The following IL3RA variants were observed in gnomAD, a reference collection of about 807,000 sequenced individuals.
The protein encoded by IL3RA is interleukin-3 receptor subunit alpha.
A neutral mutation model predicts 52.3 loss-of-function variants in IL3RA; 73 were observed. That is an observed-to-expected ratio of 1.40 (90% CI 1.16 to 1.70). The LOEUF (loss-of-function observed/expected upper bound fraction) is 1.70. IL3RA is among the 40% of genes most tolerant of loss of function. The probability of loss-of-function intolerance (pLI) is 0.00; values close to 1 mark genes in which losing one functional copy is unlikely to be tolerated. For missense variants in IL3RA, 664 were observed against 504.4 expected, an observed-to-expected ratio of 1.32 and a Z score of -3.03; for synonymous variants, 260 against 194.0, an observed-to-expected ratio of 1.34 and a Z score of -2.83.
Position 1,382,512 on chromosome X carries a change from G to C in IL3RA, c.*47G>C, listed in dbSNP as rs747212018. 1.3e-6 allele frequency: 2 copies of C among 1,563,538 alleles called. No individual in the cohort carries two copies. The highest frequency in any genetic ancestry group is 1.4e-5 in the African/African-American group (1 of 73,920). On this transcript the variant is annotated 3_prime_UTR_variant, in exon 12 of 12. Coordinates refer to ENST00000331035, the MANE Select transcript of IL3RA (RefSeq NM_002183.4). The stretch of plus-strand genomic sequence containing the variant: ...GGGGTCTGCCTCAATCTCCCTGGCC[G>C]GGCCAGGCGCCTGCACAGACTGGCT...
chrX:1,341,665 T>C, intron 1 of IL3RA, 63 bp from the exon 2 acceptor site: 1 of 1,367,764 alleles, frequency 7.3e-7, no homozygotes, highest in Non-Finnish European at 1.0e-6. Flanking sequence ...GCAAGCATCC[T>C]TCATTACCCG....
At chrX:1,373,858 T>C (rs2088617471) in intron 9 of IL3RA, among the ~76,000 whole-genome samples, 2 of 73,736 alleles carry the variant, frequency 2.7e-5, no homozygotes, top group Non-Finnish European at 2.3e-5. Context: ...GAAGACGGCA[T>C]CTCCAAGCCC....
At chrX:1,342,645 C>A (rs1488034736) in intron 2 of IL3RA, among the ~76,000 whole-genome samples, 2 of 148,784 alleles carry the variant, frequency 1.3e-5, no homozygotes, top group African/African-American at 5.0e-5. Flanking sequence ...ACTGCAACCT[C>A]TACCTGCTGG....
intron 2 of IL3RA, among the ~76,000 whole-genome samples, chrX:1,344,754 CA>C (rs1205130688): frequency 4.6e-5 from 7 of 151,214 alleles, no homozygotes; most frequent in Non-Finnish European, 8.8e-5. Context: ...GCCTGGGTGA[CA>C]AGAGCAAAAC....
intron 2 of IL3RA, 144 bp downstream of exon 2, chrX:1,341,973 A>T: frequency 2.3e-6 from 2 of 864,646 alleles, no homozygotes; most frequent in South Asian, 3.0e-5. Context: ...AATGACTCAG[A>T]CACTTCCCTG....
intron 6 of IL3RA, 41 bp from the exon 7 acceptor site, chrX:1,356,180 C>G: frequency 8.3e-7 from 1 of 1,200,634 alleles, no homozygotes; most frequent in Non-Finnish European, 1.2e-6. Context: ...GAATTGATTT[C>G]TTGTACTCCT....
At chrX:1,354,198 C>T (rs17886015) in intron 6 of IL3RA, among the ~76,000 whole-genome samples, 1,969 of 152,178 alleles carry the variant, frequency 0.013, 41 homozygotes, top group African/African-American at 0.046. Context: ...GGGGGTCCAC[C>T]CTCATAACTT....
intron 4 of IL3RA, 100 bp downstream of exon 4, chrX:1,348,645 T>TCTTC (rs2085896196): frequency 3.6e-6 from 1 of 278,668 alleles, no homozygotes; most frequent in Non-Finnish European, 6.0e-6. Flanking sequence ...TTTCTTTTTC[T>TCTTC]CTTTCTTTCT....
In IL3RA at chrX:1,356,928, A is replaced by G. The variant is rs767200650; in HGVS notation, c.732+592A>G. ...CAAGCTTCCCAGATATTTTTGATCC[A>G]CAGTTCGTTGGATCAGTTGAACATA... On this transcript the variant is annotated intron_variant, in intron 7 of 11. Transcript: ENST00000331035. Among the ~76,000 whole-genome samples, 179 of 152,170 alleles carry G rather than the reference A, an allele frequency of 1.2e-3. 1 individual carries two copies. The highest frequency in any genetic ancestry group is 4.1e-3 in the African/African-American group (169 of 41,524).
chrX:1,380,537 AGGGGAGGAGGAGGAGGGGGAGGAGAG>A (rs2089116035), intron 10 of IL3RA, among the ~76,000 whole-genome samples: 1 of 13,618 alleles, frequency 7.3e-5, no homozygotes, highest in African/African-American at 3.6e-4. Flanking sequence ...AGGAGGGGGA[AGGGGAGGAGGAGGAGGGGGAGGAGAG>A]GCGAGGGGGA....
chrX:1,379,123 G>A (rs747841797), intron 10 of IL3RA, among the ~76,000 whole-genome samples: 18 of 151,866 alleles, frequency 1.2e-4, no homozygotes, highest in Non-Finnish European at 2.2e-4. Flanking sequence ...GATTACAGGC[G>A]TAAGCCACCT....
chrX:1,368,778 G>T (rs28881330), intron 9 of IL3RA, among the ~76,000 whole-genome samples: 48,704 of 125,034 alleles, frequency 0.39, 5,333 homozygotes, highest in African/African-American at 0.58. Context: ...GCCCACACCT[G>T]GATCTCAGAC....
chrX:1,345,263 C>T, intron 2 of IL3RA, 53 bp from the exon 3 acceptor site: 1 of 1,222,570 alleles, frequency 8.2e-7, no homozygotes, highest in Admixed American at 2.0e-5. Flanking sequence ...CCTTACAATG[C>T]CGTTTTAAGA....
At chrX:1,357,308 T>A (rs1221991878) in intron 7 of IL3RA, among the ~76,000 whole-genome samples, 1 of 151,462 alleles carries the variant, frequency 6.6e-6, no homozygotes, top group African/African-American at 2.4e-5. Context: ...ATTTATTTAT[T>A]TATTTTTGAG....
intron 8 of IL3RA, among the ~76,000 whole-genome samples, chrX:1,359,346 C>A (rs1182077002): frequency 6.6e-6 from 1 of 152,132 alleles, no homozygotes; most frequent in East Asian, 1.9e-4. Context: ...GACCCTCCCC[C>A]AGCCCCTGCC....
In IL3RA at chrX:1,348,521, A is replaced by G. The variant is rs773296209; in HGVS notation, c.274A>G (p.Thr92Ala). The change falls in exon 4 of 12, where the codon ACG becomes GCG. Residue 92 changes from threonine (T) to alanine (A), a missense_variant. Coordinates refer to ENST00000331035, the MANE Select transcript of IL3RA (RefSeq NM_002183.4). ...TVRVANPPFS[T>A]WILFPENSGK... ...CCGAGTGGCCAACCCACCATTCTCCACGTGGATCCTCTTCCCTGAGAACAG... is the reference window on the plus strand; with the variant it reads ...CCGAGTGGCCAACCCACCATTCTCCGCGTGGATCCTCTTCCCTGAGAACAG... 5.9e-5 allele frequency: 96 copies of G among 1,613,458 alleles called. No homozygotes were observed. In the Admixed American group the frequency reaches 6.8e-4, roughly 11 times the overall value.
intron 4 of IL3RA, 147 bp downstream of exon 4, chrX:1,348,692 T>TTTC (rs2085921218): frequency 2.9e-5 from 8 of 280,478 alleles, no homozygotes; most frequent in South Asian, 5.5e-5. Flanking sequence ...CTTTCTTTCT[T>TTTC]TTTCTTTCTT....
At chrX:1,358,781 G>T in intron 7 of IL3RA, 80 bp from the exon 8 acceptor site, 1 of 1,526,068 alleles carries the variant, frequency 6.6e-7, no homozygotes. Flanking sequence ...TTTTCCTGGA[G>T]GGAGAAATTT....
intron 10 of IL3RA, among the ~76,000 whole-genome samples, chrX:1,380,455 AGGGGGGAAGG>A (rs2149226304): frequency 5.0e-4 from 1 of 2,008 alleles, no homozygotes; most frequent in East Asian, 9.3e-3. Flanking sequence ...AGGGGGGAGG[AGGGGGGAAGG>A]GAGGAGGGGG....
Sources: gnomAD v4.1 joint callset for allele counts (sites outside exome capture counted in the v4.1 genomes callset) on GRCh38, gnomAD v4.1.1 for gene constraint, MANE v1.5 for transcripts, NCBI Gene and HGNC (gene_info 2026-07-23, HGNC 2026-07-21) for gene names.